The following CLIP1 variants were observed in gnomAD, a reference collection of about 807,000 sequenced individuals.
CLIP1 encodes CAP-Gly domain-containing linker protein 1.
Under a neutral mutation model 161.6 loss-of-function variants are expected in CLIP1, and 66 were observed. The ratio of observed to expected loss-of-function variants is 0.41; its 90% CI spans 0.33 to 0.50. CLIP1 has a LOEUF of 0.50. Ranked by LOEUF, CLIP1 falls within the 20% of genes least tolerant of loss-of-function variation. The pLI is 0.27. For missense variants in CLIP1, 1,376 were observed against 1,702.0 expected, an observed-to-expected ratio of 0.81 and a Z score of 3.37; for synonymous variants, 598 against 626.2, an observed-to-expected ratio of 0.96 and a Z score of 0.67.
chr12:122,328,409 T>A lies in CLIP1; in HGVS notation c.2885A>T (p.Gln962Leu). Reference sequence around the variant, plus strand: ...TTCATTAGCCTTTGTAAGTTTTAGCTGTAATTCTTCTACATCTCTAGAAAA... The same window carrying A: ...TTCATTAGCCTTTGTAAGTTTTAGCAGTAATTCTTCTACATCTCTAGAAAA... Reference protein sequence around the residue: ...RLKERDVEELQLKLTKANENA... With the variant: ...RLKERDVEELLLKLTKANENA... The change falls in exon 16 of 26, where the codon CAG becomes CTG. Residue 962 changes from glutamine to leucine, a missense_variant. Around this residue, in one of 6 missense-constraint regions of CLIP1, gnomAD observed 948 missense variants for 1,134.8 expected, o/e 0.84. Coordinates refer to ENST00000620786, the MANE Select transcript of CLIP1 (RefSeq NM_001247997.2). The A allele has an allele frequency of 6.3e-7, 1 of 1,599,602 alleles. No individual in the cohort carries two copies. The highest frequency in any genetic ancestry group is 8.5e-7 in the Non-Finnish European group (1 of 1,174,942).
intron 3 of CLIP1, among the ~76,000 whole-genome samples, chr12:122,374,237 G>A (rs1285532169): frequency 6.7e-6 from 1 of 150,126 alleles, no homozygotes; most frequent in Non-Finnish European, 1.5e-5. Context: ...TTTGGGAGGC[G>A]GAGGCAGGCA....
chr12:122,276,687 A>T (rs1442335190), intron 24 of CLIP1: 1 of 313,466 alleles, frequency 3.2e-6, no homozygotes, highest in African/African-American at 2.2e-5. Flanking sequence ...GTACTTTTGA[A>T]TTTTGAACAT....
chr12:122,418,740 G>A (rs184100457), intron 1 of CLIP1, among the ~76,000 whole-genome samples: 187 of 152,248 alleles, frequency 1.2e-3, no homozygotes, highest in African/African-American at 4.1e-3. Flanking sequence ...TCCAGCCTGC[G>A]TGACAGAGCG....
intron 10 of CLIP1, among the ~76,000 whole-genome samples, chr12:122,345,103 C>A (rs1952684087): frequency 6.6e-6 from 1 of 151,944 alleles, no homozygotes; most frequent in African/African-American, 2.4e-5. Context: ...GGAACTCAAT[C>A]TCATTAGTCC....
chr12:122,384,915 G>C (rs1382040829), intron 1 of CLIP1, among the ~76,000 whole-genome samples: 1 of 150,196 alleles, frequency 6.7e-6, no homozygotes, highest in Non-Finnish European at 1.5e-5. Flanking sequence ...AACTGGAAGG[G>C]AAACAAGTGA....
At chr12:122,317,280 G>A (rs571214938) in intron 18 of CLIP1, among the ~76,000 whole-genome samples, 51 of 152,272 alleles carry the variant, frequency 3.3e-4, no homozygotes, top group African/African-American at 1.1e-3. Flanking sequence ...TTTAGGATAC[G>A]ATATTTTTCA....
intron 2 of CLIP1, among the ~76,000 whole-genome samples, chr12:122,379,599 C>A (rs1241781738): frequency 2.0e-5 from 3 of 151,460 alleles, no homozygotes; most frequent in Admixed American, 2.0e-4. Flanking sequence ...ACAAAAAACC[C>A]TACAAAAATT....
chr12:122,365,034 A>G (rs976610501), intron 3 of CLIP1: 4 of 401,872 alleles, frequency 1.0e-5, no homozygotes, highest in Non-Finnish European at 1.4e-5. Context: ...GAATTGAACA[A>G]TGAGAACACA....
chr12:122,358,914 AG>A (rs1177898440), intron 5 of CLIP1, among the ~76,000 whole-genome samples: 1 of 152,100 alleles, frequency 6.6e-6, no homozygotes, highest in East Asian at 1.9e-4. Context: ...TACAAAAATT[AG>A]CCGGGCATGG....
Position 122,382,704 on chromosome 12 carries a change from CAATA to C in CLIP1, c.-106-2150_-106-2147del, listed in dbSNP as rs35084508. 5.5e-3 allele frequency among the ~76,000 whole-genome samples: 833 copies of C among 150,918 alleles called. 9 individuals are homozygous for C. Among genetic ancestry groups the C allele is most frequent in the African/African-American group, 0.019 (765 of 40,954 alleles). On this transcript the variant is annotated intron_variant, in intron 1 of 25. Transcript: ENST00000620786. ...TAGGTGGTAGAGTGAGACTATGTCTCAATAAATAAATAAATAAATAAATAAATAA... is the reference window on the plus strand; with the variant it reads ...TAGGTGGTAGAGTGAGACTATGTCTCAATAAATAAATAAATAAATAAATAA...
intron 20 of CLIP1, among the ~76,000 whole-genome samples, chr12:122,294,580 T>C (rs1398241655): frequency 6.6e-6 from 1 of 151,482 alleles, no homozygotes; most frequent in Admixed American, 6.6e-5. Flanking sequence ...CTGGGTAACA[T>C]AGTGAGACCT....
chr12:122,339,756 T>G (rs1952408896), intron 11 of CLIP1, among the ~76,000 whole-genome samples: 1 of 152,200 alleles, frequency 6.6e-6, no homozygotes, highest in Non-Finnish European at 1.5e-5. Flanking sequence ...ATTAGGCATT[T>G]CATTGTTGTG....
chr12:122,287,582 C>A lies in CLIP1; in HGVS notation c.3647+907G>T, dbSNP rs149818155. ...CTAAACCTGCTTGGACCGTGTAGCA[C>A]AGACATTCTCTAAACAAAAACTGCA... is the stretch of plus-strand genomic sequence containing the variant. On this transcript the variant is annotated intron_variant, in intron 21 of 25. Coordinates refer to ENST00000620786, the MANE Select transcript of CLIP1 (RefSeq NM_001247997.2). Among the ~76,000 whole-genome samples the A allele has an allele frequency of 9.5e-3, 1,440 of 152,286 alleles. 29 individuals are homozygous for A. The highest frequency in any genetic ancestry group is 0.065 in the South Asian group (315 of 4,826).
chr12:122,321,154 T>C (rs914288035), intron 17 of CLIP1, among the ~76,000 whole-genome samples: 3 of 152,138 alleles, frequency 2.0e-5, no homozygotes, highest in African/African-American at 7.2e-5. Context: ...AAGATTTCAA[T>C]GGAATCTTCC....
chr12:122,332,672 C>T (rs570974923), intron 15 of CLIP1, among the ~76,000 whole-genome samples: 84 of 152,274 alleles, frequency 5.5e-4, no homozygotes, highest in African/African-American at 1.9e-3. Context: ...CCGCCCACCT[C>T]GGCCTCTCAA....
intron 3 of CLIP1, among the ~76,000 whole-genome samples, chr12:122,366,161 G>A (rs1954156350): frequency 6.6e-6 from 1 of 152,086 alleles, no homozygotes; most frequent in South Asian, 2.1e-4. Flanking sequence ...ACAAAAATCA[G>A]CTGGGTGTGG....
chr12:122,336,838 C>T, intron 11 of CLIP1, 90 bp from the exon 12 acceptor site: 1 of 552,256 alleles, frequency 1.8e-6, no homozygotes, highest in Non-Finnish European at 3.0e-6. Flanking sequence ...ATGTAAAAAA[C>T]TTATGAGAAA....
At chr12:122,319,385 C>T (rs776315626) in intron 17 of CLIP1, 37 bp from the exon 18 acceptor site, 1 of 1,473,620 alleles carries the variant, frequency 6.8e-7, no homozygotes, top group Non-Finnish European at 9.5e-7. Flanking sequence ...ATGAGGACAG[C>T]CCTCGCCAAC....
intron 19 of CLIP1, among the ~76,000 whole-genome samples, chr12:122,313,965 T>C (rs924294063): frequency 2.0e-5 from 3 of 151,836 alleles, no homozygotes; most frequent in Non-Finnish European, 2.9e-5. Flanking sequence ...AAGACCAGCC[T>C]GGCCAACATG....
Sources: gnomAD v4.1 joint callset for allele counts (sites outside exome capture counted in the v4.1 genomes callset) on GRCh38, gnomAD v4.1.1 for gene constraint, gnomAD v4.1.1 regional missense constraint, MANE v1.5 for transcripts, NCBI Gene and HGNC (gene_info 2026-07-23, HGNC 2026-07-21) for gene names.